The following ABCB10 variants were observed in gnomAD, a reference collection of about 807,000 sequenced individuals.
ABCB10 encodes ATP-binding cassette sub-family B member 10, mitochondrial.
Under a neutral mutation model 65.4 loss-of-function variants are expected in ABCB10, and 54 were observed. The ratio of observed to expected loss-of-function variants is 0.83; its 90% CI spans 0.66 to 1.04. The LOEUF (loss-of-function observed/expected upper bound fraction) is 1.04, where lower values mean the gene tolerates loss of function less well. Ranked by LOEUF, ABCB10 falls within the 50% of genes least tolerant of loss-of-function variation. The pLI is 0.00. For synonymous variants in ABCB10, 418 were observed against 406.5 expected (o/e 1.03, Z -0.34); for missense variants, 846 against 976.6 (o/e 0.87, Z 1.78).
At chr1:229,525,015 A>T (rs565028064) in intron 10 of ABCB10, among the ~76,000 whole-genome samples, 1 of 152,156 alleles carries the variant, frequency 6.6e-6, no homozygotes, top group South Asian at 2.1e-4. Flanking sequence ...CACCACGCCC[A>T]GCTAACTTTT....
At chr1:229,525,026 TG>T (rs1662404179) in intron 10 of ABCB10, among the ~76,000 whole-genome samples, 1 of 152,124 alleles carries the variant, frequency 6.6e-6, no homozygotes, top group Non-Finnish European at 1.5e-5. Flanking sequence ...GCTAACTTTT[TG>T]TATCTTTAGT....
chr1:229,526,426 C>T (rs1662446215), intron 9 of ABCB10, among the ~76,000 whole-genome samples: 1 of 152,242 alleles, frequency 6.6e-6, no homozygotes, highest in Non-Finnish European at 1.5e-5. Flanking sequence ...AATCCATCTC[C>T]ATCCATTACT....
chr1:229,549,124 G>A, intron 2 of ABCB10, 110 bp downstream of exon 2: 4 of 1,147,356 alleles, frequency 3.5e-6, no homozygotes, highest in Non-Finnish European at 3.9e-6. Flanking sequence ...ATGCCAGGAA[G>A]AGAGGAAGAG....
In ABCB10 at chr1:229,530,828, ACC is replaced by A. The variant is rs11366453; in HGVS notation, c.1436-422_1436-421del. ...TGTAGCTCCAGAGTTTATCTTACCT[ACC>A]CGGAATAAATATTTTGGAAGAGTTA... On this transcript the variant is annotated intron_variant, in intron 7 of 12. Coordinates refer to ENST00000344517, the MANE Select transcript of ABCB10 (RefSeq NM_012089.3). Among the ~76,000 whole-genome samples the A allele has an allele frequency of 2.7e-4, 41 of 152,190 alleles. No individual in the cohort carries two copies. In the East Asian group the frequency reaches 7.7e-3, roughly 29 times the overall value.
At chr1:229,536,439 C>T (rs1055229826) in intron 6 of ABCB10, among the ~76,000 whole-genome samples, 1 of 151,938 alleles carries the variant, frequency 6.6e-6, no homozygotes, top group Non-Finnish European at 1.5e-5. Flanking sequence ...CCCAGGAGGT[C>T]GAGGCTGCAG....
In ABCB10 at chr1:229,540,615, G is replaced by A; in HGVS notation, c.1194C>T (p.Phe398=). 1 of 1,610,854 alleles carries A rather than the reference G, an allele frequency of 6.2e-7. No homozygotes were observed. Among genetic ancestry groups the A allele is most frequent in the Non-Finnish European group, 8.5e-7 (1 of 1,179,634 alleles). The change falls in exon 5 of 13, where the codon TTC becomes TTT. Residue 398 remains phenylalanine, a synonymous_variant. Transcript: ENST00000344517. ...ARKEAFARAG[F]FGATGLSGNL... is the part of the protein sequence containing the mutation. The stretch of plus-strand genomic sequence containing the variant: ...AAAGTGATCTACTTACTGCTCCAAA[G>A]AAACCAGCCCGGGCGAATGCCTCTT...
chr1:229,553,292 T>C (rs1663162527), intron 1 of ABCB10, among the ~76,000 whole-genome samples: 1 of 152,036 alleles, frequency 6.6e-6, no homozygotes, highest in Non-Finnish European at 1.5e-5. Context: ...GTATTTTTAG[T>C]AGAGATGAGG....
chr1:229,526,876 A>C, intron 9 of ABCB10, among the ~76,000 whole-genome samples: 1 of 152,352 alleles, frequency 6.6e-6, no homozygotes, highest in East Asian at 1.9e-4. Context: ...ATTATGCAGA[A>C]TAGTAGACTG....
intron 1 of ABCB10, among the ~76,000 whole-genome samples, chr1:229,554,207 A>G (rs902838003): frequency 2.6e-5 from 4 of 152,166 alleles, no homozygotes; most frequent in Non-Finnish European, 5.9e-5. Flanking sequence ...CTGAGTGAAG[A>G]GACTCGGCAT....
At chr1:229,519,562 T>C (rs548057171) in intron 11 of ABCB10, among the ~76,000 whole-genome samples, 1 of 152,138 alleles carries the variant, frequency 6.6e-6, no homozygotes, top group Non-Finnish European at 1.5e-5. Context: ...CCGAGGCAGG[T>C]GGATCACCTG....
chr1:229,549,266 T>C lies in ABCB10; in HGVS notation c.686A>G (p.Asn229Ser), dbSNP rs755741022. 4 of 1,613,970 alleles carry C rather than the reference T, an allele frequency of 2.5e-6. No homozygotes were observed. The highest frequency in any genetic ancestry group is 1.3e-5 in the African/African-American group (1 of 74,890). ...TTGCATGAGGTAGACACGAATGGCA[T>C]TGGCGGCAGCACCACACAGAAACAC... ...SAVFLCGAAA[N>S]AIRVYLMQTS... The change falls in exon 2 of 13, where the codon AAT becomes AGT. Residue 229 changes from asparagine to serine, a missense_variant. Asn to Ser is a conservative substitution (Grantham distance 46). Coordinates refer to ENST00000344517, the MANE Select transcript of ABCB10 (RefSeq NM_012089.3).
chr1:229,521,458 A>G, intron 11 of ABCB10, 134 bp downstream of exon 11: 1 of 974,238 alleles, frequency 1.0e-6, no homozygotes, highest in Middle Eastern at 3.4e-4. Context: ...CAGAACTGTC[A>G]CCCTCCCACT....
intron 10 of ABCB10, among the ~76,000 whole-genome samples, chr1:229,521,997 G>GT (rs1296492306): frequency 2.0e-5 from 3 of 151,660 alleles, no homozygotes; most frequent in Non-Finnish European, 4.4e-5. Flanking sequence ...CTCCCAAGTA[G>GT]CTGAGACTAC....
chr1:229,522,296 T>G (rs1662333292), intron 10 of ABCB10, among the ~76,000 whole-genome samples: 1 of 152,220 alleles, frequency 6.6e-6, no homozygotes, highest in African/African-American at 2.4e-5. Context: ...AGCTTCAACC[T>G]CCTGGACTCA....
Position 229,517,309 on chromosome 1 carries a change from TATAAA to T in ABCB10, c.*865_*869del, listed in dbSNP as rs549833810. ...CTTATTAATGAAATTCCAAAAGTAT[TATAAA>T]ATAAGATTCAATTTGTCTTGAAATT... On this transcript the variant is annotated 3_prime_UTR_variant, in exon 13 of 13. Coordinates refer to ENST00000344517, the MANE Select transcript of ABCB10 (RefSeq NM_012089.3). 38 of 152,286 alleles carry T rather than the reference TATAAA, an allele frequency of 2.5e-4. No homozygotes were observed. Among genetic ancestry groups the T allele is most frequent in the South Asian group, 1.0e-3 (5 of 4,826 alleles). The allele number at this position is 152,286 out of a possible 1,614,324, so 9.4% of individuals were successfully genotyped here. A position where few individuals can be genotyped will look rare whatever the true frequency, so the allele number is the denominator to read the frequency against.
chr1:229,522,471 G>A (rs1662337883), intron 10 of ABCB10, among the ~76,000 whole-genome samples: 1 of 152,188 alleles, frequency 6.6e-6, no homozygotes. Context: ...CTCCCAAAGT[G>A]CTGAGATTGG....
At chr1:229,556,159 C>T (rs1297615109) in intron 1 of ABCB10, among the ~76,000 whole-genome samples, 2 of 152,036 alleles carry the variant, frequency 1.3e-5, no homozygotes, top group East Asian at 1.9e-4. Context: ...GCAGATCACC[C>T]GAGGTCGGGA....
intron 10 of ABCB10, 97 bp downstream of exon 10, chr1:229,525,839 C>G (rs955876842): frequency 1.4e-6 from 2 of 1,423,648 alleles, no homozygotes; most frequent in African/African-American, 2.9e-5. Context: ...CTCAAGACTC[C>G]GTCTCAAAAA....
chr1:229,521,316 G>C (rs759092914), intron 11 of ABCB10, among the ~76,000 whole-genome samples: 31 of 152,164 alleles, frequency 2.0e-4, no homozygotes, highest in Non-Finnish European at 2.2e-4. Flanking sequence ...TGGCTAGACT[G>C]TATGCTTCTT....
Sources: gnomAD v4.1 joint callset for allele counts (sites outside exome capture counted in the v4.1 genomes callset) on GRCh38, gnomAD v4.1.1 for gene constraint, MANE v1.5 for transcripts, NCBI Gene and HGNC (gene_info 2026-07-23, HGNC 2026-07-21) for gene names.